HCN1: variants seen among roughly 807,000 people sequenced by gnomAD.
The protein encoded by HCN1 is hyperpolarization activated cyclic nucleotide gated potassium channel 1.
A neutral mutation model predicts 78.9 loss-of-function variants in HCN1; 13 were observed. The observed-to-expected ratio is 0.16, with a 90% confidence interval of 0.11 to 0.26. HCN1 has a LOEUF of 0.26. Among genes scored for constraint, HCN1 ranks in the 10% least tolerant of loss-of-function variants. The pLI, the probability that HCN1 is intolerant of heterozygous loss-of-function variation, is 1.00. For missense variants in HCN1, 810 were observed against 1,154.3 expected (o/e 0.70, Z 4.32); for synonymous variants, 552 against 455.5 (o/e 1.21, Z -2.70).
At chr5:45,554,374 A>G (rs1430695744) in intron 2 of HCN1, among the ~76,000 whole-genome samples, 1 of 151,770 alleles carries the variant, frequency 6.6e-6, no homozygotes, top group Non-Finnish European at 1.5e-5. Context: ...ATAAAATGTA[A>G]TCTATCAAGC....
chr5:45,636,986 T>C (rs1025403224), intron 2 of HCN1, among the ~76,000 whole-genome samples: 1 of 152,244 alleles, frequency 6.6e-6, no homozygotes, highest in Non-Finnish European at 1.5e-5. Flanking sequence ...TAAATTTCAA[T>C]AAACTTTTTA....
At chr5:45,415,808 T>C (rs1482285087) in intron 3 of HCN1, among the ~76,000 whole-genome samples, 2 of 152,052 alleles carry the variant, frequency 1.3e-5, no homozygotes, top group Admixed American at 6.6e-5. Context: ...CCTAAGGGCA[T>C]AGACCATGTC....
At chr5:45,622,545 CAATT>C (rs1248694714) in intron 2 of HCN1, among the ~76,000 whole-genome samples, 1 of 151,596 alleles carries the variant, frequency 6.6e-6, no homozygotes, top group Non-Finnish European at 1.5e-5. Context: ...GAGAGAGAGA[CAATT>C]AAAGCTGATT....
At chr5:45,356,492 A>G (rs1747009484) in intron 4 of HCN1, among the ~76,000 whole-genome samples, 1 of 152,020 alleles carries the variant, frequency 6.6e-6, no homozygotes, top group Non-Finnish European at 1.5e-5. Context: ...TTTCCATGTT[A>G]AAAGGTGTTT....
chr5:45,582,991 T>G lies in HCN1; in HGVS notation c.849+62194A>C, dbSNP rs199745165. On this transcript the variant is annotated intron_variant, in intron 2 of 7. Transcript: ENST00000303230. ...TTGGTCTAAAATTCTCTTTTTTTTT[T>G]TTGTTGTGTCTCTGCCAGGGTTTGG... Among the ~76,000 whole-genome samples, 77 of 151,886 alleles carry G rather than the reference T, an allele frequency of 5.1e-4. 1 individual carries two copies. Among genetic ancestry groups the G allele is most frequent in the Middle Eastern group, 3.4e-3 (1 of 294 alleles).
chr5:45,588,321 G>A (rs1003096944), intron 2 of HCN1, among the ~76,000 whole-genome samples: 2 of 152,178 alleles, frequency 1.3e-5, no homozygotes, highest in African/African-American at 4.8e-5. Context: ...GAGTACTTCA[G>A]ACTGAAACAG....
At chr5:45,395,849 G>GAA (rs374518709) in intron 4 of HCN1, among the ~76,000 whole-genome samples, 2 of 150,946 alleles carry the variant, frequency 1.3e-5, no homozygotes, top group African/African-American at 2.4e-5. Context: ...CTTCATGTGG[G>GAA]AAAAAAAAAT....
chr5:45,302,253 A>T (rs927365834), intron 6 of HCN1, among the ~76,000 whole-genome samples: 3 of 147,154 alleles, frequency 2.0e-5, no homozygotes, highest in East Asian at 2.0e-4. Context: ...GTGGTGAGGG[A>T]GTTCTCAGGA....
intron 2 of HCN1, among the ~76,000 whole-genome samples, chr5:45,475,625 A>G (rs1741496647): frequency 6.6e-6 from 1 of 151,804 alleles, no homozygotes; most frequent in Non-Finnish European, 1.5e-5. Flanking sequence ...TACTATCATT[A>G]TTATCTGGGC....
chr5:45,422,709 A>G (rs1740252636), intron 3 of HCN1, among the ~76,000 whole-genome samples: 1 of 152,202 alleles, frequency 6.6e-6, no homozygotes, highest in Non-Finnish European at 1.5e-5. Flanking sequence ...TTCCAGAATC[A>G]GCAATAGTTT....
chr5:45,283,571 C>T (rs71578815), intron 6 of HCN1, among the ~76,000 whole-genome samples: 1 of 151,998 alleles, frequency 6.6e-6, no homozygotes, highest in Non-Finnish European at 1.5e-5. Context: ...TAGAGAAATA[C>T]AAATCAAAAC....
chr5:45,517,914 A>G (rs939237592), intron 2 of HCN1, among the ~76,000 whole-genome samples: 3 of 152,116 alleles, frequency 2.0e-5, no homozygotes, highest in Middle Eastern at 6.8e-3. Context: ...TCAAAAATCA[A>G]TTTTTAGCCA....
rs922944697 is a variant in HCN1 at position 45,612,442 on chromosome 5, G to C, written c.849+32743C>G. 1.3e-5 allele frequency among the ~76,000 whole-genome samples: 2 copies of C among 152,082 alleles called. 1 individual carries two copies. The highest frequency in any genetic ancestry group is 2.9e-5 in the Non-Finnish European group (2 of 68,026). ...GCATAAAGGAAAGCACATTTATAAT[G>C]ACAGCCAACACATACTGATTAATAT... On this transcript the variant is annotated intron_variant, in intron 2 of 7. Coordinates refer to ENST00000303230, the MANE Select transcript of HCN1 (RefSeq NM_021072.4).
intron 2 of HCN1, among the ~76,000 whole-genome samples, chr5:45,630,078 C>T (rs1745243237): frequency 6.6e-6 from 1 of 152,162 alleles, no homozygotes; most frequent in South Asian, 2.1e-4. Flanking sequence ...TATCAGCTTT[C>T]TAAGCACCTT....
At chr5:45,487,900 A>G (rs1741801300) in intron 2 of HCN1, among the ~76,000 whole-genome samples, 1 of 152,104 alleles carries the variant, frequency 6.6e-6, no homozygotes, top group African/African-American at 2.4e-5. Flanking sequence ...TTTCGATCTA[A>G]AAATATTGAT....
chr5:45,367,516 A>G (rs1427959233), intron 4 of HCN1, among the ~76,000 whole-genome samples: 2 of 151,882 alleles, frequency 1.3e-5, no homozygotes, highest in Non-Finnish European at 2.9e-5. Flanking sequence ...TAGCATAACC[A>G]TGATGCATGA....
rs56705334 is a variant in HCN1 at position 45,469,728 on chromosome 5, T to C, written c.850-7721A>G. 8.6e-3 allele frequency among the ~76,000 whole-genome samples: 1,307 copies of C among 152,100 alleles called. 26 individuals carry two copies. The highest frequency in any genetic ancestry group is 0.031 in the African/African-American group (1,280 of 41,542). On this transcript the variant is annotated intron_variant, in intron 2 of 7. Coordinates refer to ENST00000303230, the MANE Select transcript of HCN1 (RefSeq NM_021072.4). ...TTAAATTAAAAAGGCAGTGTTCTTTTCATTGTGTAGTTCTTACACATTAAA... is the reference window on the plus strand; with the variant it reads ...TTAAATTAAAAAGGCAGTGTTCTTTCCATTGTGTAGTTCTTACACATTAAA...
intron 2 of HCN1, among the ~76,000 whole-genome samples, chr5:45,585,962 C>T (rs1308151953): frequency 1.3e-5 from 2 of 152,182 alleles, no homozygotes; most frequent in African/African-American, 4.8e-5. Context: ...AGTTAGGCTA[C>T]TCGGGGGTCA....
chr5:45,625,297 T>C (rs1179032949), intron 2 of HCN1, among the ~76,000 whole-genome samples: 1 of 147,758 alleles, frequency 6.8e-6, no homozygotes, highest in Admixed American at 6.8e-5. Context: ...AGCAAGACTC[T>C]GTCTCAAAAC....
Sources: allele counts gnomAD v4.1 joint callset (sites outside exome capture counted in the v4.1 genomes callset), GRCh38; gene constraint gnomAD v4.1.1; transcripts MANE v1.5; gene names NCBI Gene and HGNC (gene_info 2026-07-23, HGNC 2026-07-21).